Variants in NBEA observed in about 807,000 individuals in gnomAD.
NBEA encodes lysosomal-trafficking regulator 2.
A neutral mutation model predicts 343.4 loss-of-function variants in NBEA; 44 were observed. The observed-to-expected ratio is 0.13, with a 90% confidence interval of 0.10 to 0.16. The LOEUF (loss-of-function observed/expected upper bound fraction) is 0.16. Ranked by LOEUF, NBEA falls within the 10% of genes least tolerant of loss-of-function variation. NBEA has a pLI of 1.00. For synonymous variants in NBEA, 1,175 were observed against 1,238.7 expected, an observed-to-expected ratio of 0.95 and a Z score of 1.08; for missense variants, 2,555 against 3,631.3, an observed-to-expected ratio of 0.70 and a Z score of 7.62.
At chr13:35,256,658 C>T (rs2032635746) in intron 34 of NBEA, among the ~76,000 whole-genome samples, 1 of 152,214 alleles carries the variant, frequency 6.6e-6, no homozygotes, top group East Asian at 1.9e-4. Context: ...AGCCTCCCTC[C>T]TGTGCTCTTT....
chr13:35,293,452 T>G (rs1402606008), intron 35 of NBEA, among the ~76,000 whole-genome samples: 1 of 152,014 alleles, frequency 6.6e-6, no homozygotes, highest in Admixed American at 6.6e-5. Flanking sequence ...TAGTAGCATT[T>G]TAAAAATTGG....
chr13:35,295,827 G>C (rs190942263), intron 35 of NBEA, among the ~76,000 whole-genome samples: 1 of 152,116 alleles, frequency 6.6e-6, no homozygotes, highest in Non-Finnish European at 1.5e-5. Flanking sequence ...AAGATTTAAA[G>C]AGCATATAAT....
At chr13:35,008,651 C>G (rs1451706803) in intron 1 of NBEA, among the ~76,000 whole-genome samples, 2 of 152,146 alleles carry the variant, frequency 1.3e-5, no homozygotes, top group Non-Finnish European at 2.9e-5. Flanking sequence ...TTCTAGAATA[C>G]TTCCATTACA....
intron 33 of NBEA, among the ~76,000 whole-genome samples, chr13:35,224,873 A>G (rs1333531151): frequency 6.6e-6 from 1 of 152,060 alleles, no homozygotes; most frequent in Admixed American, 6.6e-5. Flanking sequence ...TGTGCTCTAA[A>G]TGGGTCTGCC....
intron 24 of NBEA, among the ~76,000 whole-genome samples, chr13:35,168,721 T>C (rs1454690006): frequency 6.6e-6 from 1 of 151,348 alleles, no homozygotes; most frequent in African/African-American, 2.4e-5. Context: ...TTCTAATATA[T>C]GAACTATACT....
chr13:35,334,053 A>G lies in NBEA; in HGVS notation c.5904-15055A>G, dbSNP rs533991918. Among the ~76,000 whole-genome samples, 321 of 152,184 alleles carry G rather than the reference A, an allele frequency of 2.1e-3. 1 individual carries two copies. Among genetic ancestry groups the G allele is most frequent in the Middle Eastern group, 3.4e-3 (1 of 294 alleles). The stretch of plus-strand genomic sequence containing the variant: ...TAGATCGATTTCCTTTCATTGGAGT[A>G]TATACCCAGCACTGCGATTACTAGA... On this transcript the variant is annotated intron_variant, in intron 36 of 58. Coordinates refer to ENST00000379939, the MANE Select transcript of NBEA (RefSeq NM_001385012.1).
intron 39 of NBEA, 31 bp downstream of exon 39, chr13:35,432,424 CT>C: frequency 6.5e-7 from 1 of 1,532,002 alleles, no homozygotes; most frequent in East Asian, 2.4e-5. Flanking sequence ...CACAAAAATA[CT>C]TCTGGATGTG....
chr13:35,512,858 CTG>C lies in NBEA; in HGVS notation c.6586-37616_6586-37615del, dbSNP rs2077331719. 3.9e-5 allele frequency among the ~76,000 whole-genome samples: 6 copies of C among 152,330 alleles called. No individual in the cohort carries two copies. In the South Asian group the frequency reaches 1.2e-3, roughly 32 times the overall value. On this transcript the variant is annotated intron_variant, in intron 41 of 58. Transcript: ENST00000379939. ...ATAGGTCGACCTCCTTCCACAAAAA[CTG>C]TGGCTGAGCCCATTTCTCTCAGAAG...
At chr13:34,962,722 C>T (rs964316376) in intron 1 of NBEA, among the ~76,000 whole-genome samples, 7 of 151,934 alleles carry the variant, frequency 4.6e-5, no homozygotes, top group Non-Finnish European at 7.4e-5. Flanking sequence ...AGTGAATGTA[C>T]ACTTTCGACA....
At chr13:35,193,334 A>G (rs975014886) in intron 30 of NBEA, among the ~76,000 whole-genome samples, 36 of 151,900 alleles carry the variant, frequency 2.4e-4, no homozygotes, top group African/African-American at 8.4e-4. Flanking sequence ...CTCAGTTTGA[A>G]TGATCCCAAA....
intron 1 of NBEA, among the ~76,000 whole-genome samples, chr13:35,000,435 G>T (rs1432201605): frequency 1.3e-5 from 2 of 151,914 alleles, no homozygotes; most frequent in South Asian, 4.1e-4. Context: ...GTTAGGAAAA[G>T]AATAAATCTA....
chr13:35,398,214 A>C (rs1427287750), intron 38 of NBEA, among the ~76,000 whole-genome samples: 1 of 152,080 alleles, frequency 6.6e-6, no homozygotes, highest in Non-Finnish European at 1.5e-5. Context: ...AGATTGTAAC[A>C]ATTGCTATTG....
intron 39 of NBEA, among the ~76,000 whole-genome samples, chr13:35,434,077 T>G (rs2152931916): frequency 6.6e-6 from 1 of 152,254 alleles, no homozygotes; most frequent in Non-Finnish European, 1.5e-5. Flanking sequence ...ACAGATTACT[T>G]TTAAGCAAGG....
At chr13:35,353,963 T>C (rs1412765895) in intron 38 of NBEA, among the ~76,000 whole-genome samples, 1 of 152,206 alleles carries the variant, frequency 6.6e-6, no homozygotes, top group Non-Finnish European at 1.5e-5. Flanking sequence ...GCAAGATTTC[T>C]GTGTTACAGT....
intron 1 of NBEA, among the ~76,000 whole-genome samples, chr13:34,993,122 C>T (rs1330998005): frequency 1.3e-5 from 2 of 152,180 alleles, no homozygotes; most frequent in African/African-American, 2.4e-5. Flanking sequence ...CATCTTATAT[C>T]GTATCTTATT....
intron 1 of NBEA, among the ~76,000 whole-genome samples, chr13:34,968,857 AATGTGTTT>A (rs2059909921): frequency 1.4e-5 from 2 of 145,918 alleles, no homozygotes; most frequent in Admixed American, 1.3e-4. Flanking sequence ...TGCTGTGATT[AATGTGTTT>A]TAATATCAAT....
intron 33 of NBEA, 113 bp downstream of exon 33, chr13:35,211,292 G>C: frequency 1.1e-6 from 1 of 926,308 alleles, no homozygotes. Context: ...ATTATTTTGT[G>C]ATTACATTTC....
At chr13:35,106,626 T>C (rs1267621380) in intron 11 of NBEA, among the ~76,000 whole-genome samples, 1 of 151,960 alleles carries the variant, frequency 6.6e-6, no homozygotes, top group East Asian at 1.9e-4. Context: ...TTATATACTA[T>C]TTACAATCCA....
At chr13:35,574,825 C>T (rs2080652068) in intron 45 of NBEA, among the ~76,000 whole-genome samples, 2 of 151,808 alleles carry the variant, frequency 1.3e-5, no homozygotes, top group African/African-American at 4.8e-5. Flanking sequence ...TCTTGGCTCC[C>T]TGCAACCTCC....
Sources: allele counts gnomAD v4.1 joint callset (sites outside exome capture counted in the v4.1 genomes callset), GRCh38; gene constraint gnomAD v4.1.1; transcripts MANE v1.5; gene names NCBI Gene and HGNC (gene_info 2026-07-23, HGNC 2026-07-21).